SULT1B1: variants seen among roughly 807,000 people sequenced by gnomAD.
The protein encoded by SULT1B1 is sulfotransferase 1B1.
In SULT1B1, 28 loss-of-function variants were observed where a neutral mutation model predicts 34.6. That is an observed-to-expected ratio of 0.81 (90% CI 0.60 to 1.11). The LOEUF is 1.11. SULT1B1 is among the 50% of genes least tolerant of loss of function. The pLI is 0.00. For missense variants in SULT1B1, 374 were observed against 352.2 expected, an observed-to-expected ratio of 1.06 and a Z score of -0.50; for synonymous variants, 147 against 110.2, an observed-to-expected ratio of 1.33 and a Z score of -2.09.
chr4:69,754,274 A>AAAT (rs2110031726), intron 3 of SULT1B1, among the ~76,000 whole-genome samples: 1 of 152,284 alleles, frequency 6.6e-6, no homozygotes, highest in African/African-American at 2.4e-5. Context: ...AGCATTCCAT[A>AAAT]AATATTTTGT....
At chr4:69,757,636 T>C (rs1007395597) in intron 1 of SULT1B1, among the ~76,000 whole-genome samples, 3 of 152,188 alleles carry the variant, frequency 2.0e-5, no homozygotes, top group Non-Finnish European at 2.9e-5. Context: ...AAATATTTTT[T>C]CATTTTATAT....
chr4:69,750,225 G>T (rs533040926), intron 3 of SULT1B1, among the ~76,000 whole-genome samples: 13 of 152,248 alleles, frequency 8.5e-5, no homozygotes, highest in Admixed American at 6.5e-4. Flanking sequence ...TAACTAGTAA[G>T]TCTAAAACTG....
chr4:69,739,289 TC>T (rs1338100411), intron 4 of SULT1B1, among the ~76,000 whole-genome samples: 2 of 152,172 alleles, frequency 1.3e-5, no homozygotes, highest in Non-Finnish European at 2.9e-5. Context: ...CCATGAGAGC[TC>T]CGCCCATGAA....
In SULT1B1 at chr4:69,733,415, C is replaced by G; in HGVS notation, c.595G>C (p.Glu199Gln). 11 of 1,589,130 alleles carry G rather than the reference C, an allele frequency of 6.9e-6. No individual in the cohort carries two copies. Among genetic ancestry groups the G allele is most frequent in the South Asian group, 1.1e-5 (1 of 87,108 alleles). Residue 199 changes from glutamate (E) to glutamine (Q), a missense_variant and splice_region_variant, in exon 6 of 8, where the codon GAG becomes CAG. Coordinates refer to ENST00000310613, the MANE Select transcript of SULT1B1 (RefSeq NM_014465.4). ...AGAATCCATATCTACCATTTTACCTCTTTCATATCTTCATAGTACAAAAAA... is the reference window on the plus strand; with the variant it reads ...AGAATCCATATCTACCATTTTACCTGTTTCATATCTTCATAGTACAAAAAA... ...ILFLYYEDMK[E>Q]NPKEEIKKII... is the part of the protein sequence containing the mutation.
chr4:69,732,992 A>T (rs1456519628), intron 6 of SULT1B1, among the ~76,000 whole-genome samples: 3 of 152,126 alleles, frequency 2.0e-5, no homozygotes, highest in Non-Finnish European at 4.4e-5. Context: ...TCGAGGTAGA[A>T]GTGAAAATGC....
Position 69,727,068 on chromosome 4 carries a change from A to T in SULT1B1, c.*20T>A. The stretch of plus-strand genomic sequence containing the variant: ...ACTACAGACAATCTCTTATTTCTTC[A>T]GATGTGTGATTTAGACACTTTAAAT... On this transcript the variant is annotated 3_prime_UTR_variant, in exon 8 of 8. Transcript: ENST00000310613. 1 of 1,559,260 alleles carries T rather than the reference A, an allele frequency of 6.4e-7. No homozygotes were observed. The highest frequency in any genetic ancestry group is 8.7e-7 in the Non-Finnish European group (1 of 1,144,652).
At position 69,726,445 on chromosome 4, in the gene SULT1B1, C is replaced by A. The variant is rs551541104; in HGVS notation, c.*643G>T. The A allele has an allele frequency of 1.3e-5, 2 of 151,872 alleles. No homozygotes were observed. Among genetic ancestry groups the A allele is most frequent in the African/African-American group, 4.8e-5 (2 of 41,360 alleles). The allele number at this position is 151,872 out of a possible 1,614,324, so 9.4% of individuals were successfully genotyped here. A position where few individuals can be genotyped will look rare whatever the true frequency, so the allele number is the denominator to read the frequency against. On this transcript the variant is annotated 3_prime_UTR_variant, in exon 8 of 8. Transcript: ENST00000310613. Reference sequence around the variant, plus strand: ...GCTTTTCAGAACAGAGCTCCAGTTCCCAGGTAACCAATCCTACAGAGACTA... The same window carrying A: ...GCTTTTCAGAACAGAGCTCCAGTTCACAGGTAACCAATCCTACAGAGACTA...
At chr4:69,754,989 G>A in intron 2 of SULT1B1, 81 bp downstream of exon 2, 3 of 1,336,482 alleles carry the variant, frequency 2.2e-6, no homozygotes, top group Non-Finnish European at 3.2e-6. Context: ...TATTTAGAAT[G>A]GTAATGATTT....
chr4:69,747,412 G>A (rs57060589), intron 4 of SULT1B1, among the ~76,000 whole-genome samples: 4,195 of 152,262 alleles, frequency 0.028, 202 homozygotes, highest in African/African-American at 0.094. Flanking sequence ...CAAGTGCTTC[G>A]GCAGGGCAGC....
At chr4:69,752,012 G>A (rs1387285958) in intron 3 of SULT1B1, among the ~76,000 whole-genome samples, 1 of 152,144 alleles carries the variant, frequency 6.6e-6, no homozygotes, top group Non-Finnish European at 1.5e-5. Context: ...GCTTTCCAAG[G>A]ATAGGCATGT....
intron 6 of SULT1B1, among the ~76,000 whole-genome samples, chr4:69,733,030 T>A (rs746870124): frequency 6.6e-6 from 1 of 152,064 alleles, no homozygotes; most frequent in Non-Finnish European, 1.5e-5. Context: ...GATTAGCACA[T>A]AAATAGTTGT....
In SULT1B1 at chr4:69,749,720, C is replaced by T; in HGVS notation, c.375+1G>A. On this transcript the variant is annotated splice_donor_variant, in intron 4 of 7. Coordinates refer to ENST00000310613, the MANE Select transcript of SULT1B1 (RefSeq NM_014465.4). LOFTEE classifies it high-confidence loss of function. The stretch of plus-strand genomic sequence containing the variant: ...AAACTGACATGGAGTCTGGAGTATA[C>T]CTTGCAATTGTTTTCCCAGAAAGAT... 1 of 1,610,156 alleles carries T rather than the reference C, an allele frequency of 6.2e-7. No individual in the cohort carries two copies. Among genetic ancestry groups the T allele is most frequent in the Non-Finnish European group, 8.5e-7 (1 of 1,176,524 alleles).
At chr4:69,737,581 G>A (rs766293928) in intron 4 of SULT1B1, among the ~76,000 whole-genome samples, 6 of 152,040 alleles carry the variant, frequency 3.9e-5, no homozygotes, top group Non-Finnish European at 8.8e-5. Context: ...GATAGTAAAG[G>A]GGCCTAAATG....
At position 69,733,439 on chromosome 4, in the gene SULT1B1, A is replaced by G; in HGVS notation, c.571T>C (p.Phe191Leu). The change falls in exon 6 of 8, where the codon TTT (phenylalanine) becomes CTT (leucine). Residue 191 changes from phenylalanine (F) to leucine (L), a missense_variant. By Grantham distance (22) the Phe-to-Leu change is conservative. Coordinates refer to ENST00000310613, the MANE Select transcript of SULT1B1 (RefSeq NM_014465.4). Reference sequence around the variant, plus strand: ...TCTTTCATATCTTCATAGTACAAAAAAAGTATTGGGTGTTCTTCCTTTTTC... The same window carrying G: ...TCTTTCATATCTTCATAGTACAAAAGAAGTATTGGGTGTTCTTCCTTTTTC... ...WKKKEEHPIL[F>L]LYYEDMKENP... is the part of the protein sequence containing the mutation. The G allele has an allele frequency of 1.2e-6, 2 of 1,607,530 alleles. No homozygotes were observed. Among genetic ancestry groups the G allele is most frequent in the Non-Finnish European group, 1.7e-6 (2 of 1,177,568 alleles).
intron 1 of SULT1B1, among the ~76,000 whole-genome samples, chr4:69,756,011 T>G (rs1719175947): frequency 1.3e-5 from 2 of 152,198 alleles, no homozygotes; most frequent in Non-Finnish European, 2.9e-5. Context: ...GGATATTCTC[T>G]ATTGCTATGT....
intron 1 of SULT1B1, chr4:69,760,208 A>G (rs991010991): frequency 4.8e-5 from 47 of 984,280 alleles, no homozygotes; most frequent in Admixed American, 6.1e-5. Flanking sequence ...AGTGGCTTAC[A>G]GTTTCTTGAG....
At chr4:69,729,018 T>C (rs1383031938) in intron 7 of SULT1B1, among the ~76,000 whole-genome samples, 7 of 152,006 alleles carry the variant, frequency 4.6e-5, no homozygotes. Flanking sequence ...AATCCAGATA[T>C]TGAGCTTGTC....
At chr4:69,735,234 A>G (rs1275712315) in intron 4 of SULT1B1, among the ~76,000 whole-genome samples, 2 of 152,180 alleles carry the variant, frequency 1.3e-5, no homozygotes, top group Non-Finnish European at 2.9e-5. Context: ...AGTTCCTCCT[A>G]GGTGTCCTTT....
chr4:69,745,892 G>A (rs1718729509), intron 4 of SULT1B1, among the ~76,000 whole-genome samples: 1 of 152,172 alleles, frequency 6.6e-6, no homozygotes, highest in African/African-American at 2.4e-5. Flanking sequence ...CCTCTAGGAA[G>A]GCAAGTCTGA....
Sources: gnomAD v4.1 joint callset for allele counts (sites outside exome capture counted in the v4.1 genomes callset) on GRCh38, gnomAD v4.1.1 for gene constraint, MANE v1.5 for transcripts, NCBI Gene and HGNC (gene_info 2026-07-23, HGNC 2026-07-21) for gene names.